The following DSCAM variants were observed in gnomAD, a reference collection of about 807,000 sequenced individuals.
DSCAM encodes DS cell adhesion molecule.
In DSCAM, 47 loss-of-function variants were observed where a neutral mutation model predicts 217.7. That is an observed-to-expected ratio of 0.22 (90% CI 0.17 to 0.28). DSCAM has a LOEUF of 0.28. Ranked by LOEUF, DSCAM falls within the 10% of genes least tolerant of loss-of-function variation. DSCAM has a pLI of 1.00. For synonymous variants in DSCAM, 1,056 were observed against 1,015.3 expected (o/e 1.04, Z -0.76); for missense variants, 2,080 against 2,618.3 (o/e 0.79, Z 4.49).
At chr21:40,698,237 TAATA>T in intron 2 of DSCAM, among the ~76,000 whole-genome samples, 1 of 152,146 alleles carries the variant, frequency 6.6e-6, no homozygotes, top group East Asian at 1.9e-4. Context: ...TTTCAAGGCA[TAATA>T]AATCTAAGCA....
chr21:40,041,453 C>A (rs1223200320), intron 32 of DSCAM, among the ~76,000 whole-genome samples: 1 of 151,890 alleles, frequency 6.6e-6, no homozygotes, highest in Non-Finnish European at 1.5e-5. Context: ...CATATAAAAC[C>A]AAGTTTTCCG....
chr21:40,771,736 T>C lies in DSCAM; in HGVS notation c.44-62965A>G, dbSNP rs548421362. Among the ~76,000 whole-genome samples the C allele has an allele frequency of 4.5e-4, 68 of 152,336 alleles. No individual in the cohort carries two copies. In the South Asian group the frequency reaches 4.8e-3, roughly 11 times the overall value. ...TACTCCCAATTACTTTAGGTAAAAC[T>C]CTGAATCCAACTTGTTTTATTTGTG... On this transcript the variant is annotated intron_variant, in intron 1 of 32. Coordinates refer to ENST00000400454, the MANE Select transcript of DSCAM (RefSeq NM_001389.5).
At chr21:40,369,419 T>TGTGTGTGC in intron 3 of DSCAM, 174 bp from the exon 4 acceptor site, 1 of 556,052 alleles carries the variant, frequency 1.8e-6, no homozygotes, top group Non-Finnish European at 3.0e-6. Context: ...TGTGTGTGTG[T>TGTGTGTGC]GTCAATTAAG....
chr21:40,197,007 G>T (rs932612604), intron 11 of DSCAM, among the ~76,000 whole-genome samples: 2 of 152,154 alleles, frequency 1.3e-5, no homozygotes, highest in Non-Finnish European at 2.9e-5. Flanking sequence ...ATAGAAACCA[G>T]ACACCAAACA....
At chr21:40,384,436 C>T in intron 3 of DSCAM, 1 of 152,314 alleles carries the variant, frequency 6.6e-6, no homozygotes, top group Non-Finnish European at 1.5e-5. Context: ...GGTGAAACCC[C>T]ATCTCTACTA....
chr21:40,300,781 T>C (rs1444527389), intron 9 of DSCAM, among the ~76,000 whole-genome samples: 1 of 152,178 alleles, frequency 6.6e-6, no homozygotes, highest in Non-Finnish European at 1.5e-5. Flanking sequence ...AAACCACACA[T>C]TGCTAAACCT....
chr21:40,048,815 T>C (rs2088883296), intron 30 of DSCAM, among the ~76,000 whole-genome samples: 1 of 152,202 alleles, frequency 6.6e-6, no homozygotes, highest in Non-Finnish European at 1.5e-5. Context: ...TGAGAAGCTC[T>C]GGTGCAAGAA....
At chr21:40,371,713 G>A (rs1335168440) in intron 3 of DSCAM, among the ~76,000 whole-genome samples, 2 of 152,116 alleles carry the variant, frequency 1.3e-5, no homozygotes, top group Non-Finnish European at 2.9e-5. Context: ...AGAAGAACTT[G>A]AACCTTTGAT....
chr21:40,338,012 A>C, intron 8 of DSCAM, 89 bp downstream of exon 8: 12 of 1,508,860 alleles, frequency 8.0e-6, no homozygotes, highest in Non-Finnish European at 9.9e-6. Flanking sequence ...AAATAAGCAG[A>C]TCTTGGATTA....
chr21:40,110,767 T>C (rs183307456), intron 20 of DSCAM, among the ~76,000 whole-genome samples: 3 of 152,142 alleles, frequency 2.0e-5, no homozygotes, highest in Admixed American at 1.3e-4. Context: ...ACGTGACGAA[T>C]GCACAAGCCT....
intron 1 of DSCAM, among the ~76,000 whole-genome samples, chr21:40,740,511 T>A (rs1311189001): frequency 6.6e-6 from 1 of 152,238 alleles, no homozygotes; most frequent in East Asian, 1.9e-4. Context: ...CCATGGAGCA[T>A]CAAGCCTTAT....
intron 3 of DSCAM, among the ~76,000 whole-genome samples, chr21:40,419,251 G>T (rs2075400867): frequency 1.3e-5 from 2 of 152,008 alleles, no homozygotes; most frequent in South Asian, 2.1e-4. Context: ...AAAGTGCTGG[G>T]ATTACAGGCG....
At chr21:40,342,013 C>T (rs1021231274) in intron 6 of DSCAM, among the ~76,000 whole-genome samples, 8 of 152,174 alleles carry the variant, frequency 5.3e-5, no homozygotes, top group South Asian at 2.1e-4. Context: ...CATGACTAAA[C>T]GCAGGTTGTA....
chr21:40,277,688 C>T (rs2073705708), intron 10 of DSCAM, among the ~76,000 whole-genome samples: 2 of 144,522 alleles, frequency 1.4e-5, no homozygotes, highest in Admixed American at 1.4e-4. Flanking sequence ...GGCTGGAGTG[C>T]AGTGGCACGA....
At chr21:40,301,234 C>T (rs976139645) in intron 9 of DSCAM, among the ~76,000 whole-genome samples, 18 of 152,190 alleles carry the variant, frequency 1.2e-4, no homozygotes, top group African/African-American at 3.9e-4. Flanking sequence ...GGATCTAAGA[C>T]ACAAATTGGA....
chr21:40,559,440 A>C (rs1568904519), intron 3 of DSCAM, among the ~76,000 whole-genome samples: 1 of 149,336 alleles, frequency 6.7e-6, no homozygotes, highest in Non-Finnish European at 1.5e-5. Context: ...CCCGGGCGAA[A>C]AGAGCGAGAC....
At chr21:40,663,320 A>G (rs1385820127) in intron 3 of DSCAM, among the ~76,000 whole-genome samples, 2 of 151,626 alleles carry the variant, frequency 1.3e-5, no homozygotes, top group Non-Finnish European at 2.9e-5. Flanking sequence ...GTATGTGTGT[A>G]AGAGAGTATG....
At chr21:40,270,424 A>G (rs2073600049) in intron 11 of DSCAM, among the ~76,000 whole-genome samples, 1 of 152,212 alleles carries the variant, frequency 6.6e-6, no homozygotes, top group Non-Finnish European at 1.5e-5. Flanking sequence ...TATGTGCAGG[A>G]TAAATTGTTG....
chr21:40,332,281 C>T (rs961047032), intron 8 of DSCAM, among the ~76,000 whole-genome samples: 1 of 152,138 alleles, frequency 6.6e-6, no homozygotes, highest in African/African-American at 2.4e-5. Flanking sequence ...CGCTGCAATA[C>T]GAATTATTCT....
Sources: gnomAD v4.1 joint callset for allele counts (sites outside exome capture counted in the v4.1 genomes callset) on GRCh38, gnomAD v4.1.1 for gene constraint, MANE v1.5 for transcripts, NCBI Gene and HGNC (gene_info 2026-07-23, HGNC 2026-07-21) for gene names.